SNX3: variants seen among roughly 807,000 people sequenced by gnomAD.
The protein encoded by SNX3 is sorting nexin-3.
In SNX3, 5 loss-of-function variants were observed where a neutral mutation model predicts 17.7. The observed-to-expected ratio is 0.28, with a 90% CI of 0.15 to 0.59. The LOEUF is 0.59. Ranked by LOEUF, SNX3 falls within the 20% of genes least tolerant of loss-of-function variation. The probability of loss-of-function intolerance (pLI) is 0.88; values close to 1 mark genes in which losing one functional copy is unlikely to be tolerated. For synonymous variants in SNX3, 91 were observed against 76.5 expected, an observed-to-expected ratio of 1.19 and a Z score of -0.99; for missense variants, 132 against 206.8, an observed-to-expected ratio of 0.64 and a Z score of 2.22.
At chr6:108,233,697 C>CA (rs1775238628) in intron 1 of SNX3, among the ~76,000 whole-genome samples, 1 of 152,110 alleles carries the variant, frequency 6.6e-6, no homozygotes, top group Non-Finnish European at 1.5e-5. Flanking sequence ...TGCAGTGAGC[C>CA]AAGGTTGTTC....
intron 1 of SNX3, among the ~76,000 whole-genome samples, chr6:108,229,195 G>A (rs896594767): frequency 6.7e-6 from 1 of 150,244 alleles, no homozygotes; most frequent in African/African-American, 2.5e-5. Context: ...GGGAGGCGGA[G>A]GTTGCAGTGA....
At chr6:108,218,826 T>TA (rs1774665272) in intron 2 of SNX3, among the ~76,000 whole-genome samples, 1 of 152,222 alleles carries the variant, frequency 6.6e-6, no homozygotes, top group Non-Finnish European at 1.5e-5. Context: ...GAAAGGAGAC[T>TA]AGCAGGTGGT....
intron 1 of SNX3, among the ~76,000 whole-genome samples, chr6:108,233,631 C>T (rs1007308965): frequency 6.6e-6 from 1 of 152,292 alleles, no homozygotes; most frequent in East Asian, 1.9e-4. Flanking sequence ...CGCCTGTAAT[C>T]CCAGCTACTC....
At chr6:108,259,110 TG>T (rs1354115325) in intron 1 of SNX3, among the ~76,000 whole-genome samples, 3 of 152,258 alleles carry the variant, frequency 2.0e-5, no homozygotes, top group Non-Finnish European at 4.4e-5. Context: ...CCATCTGTCA[TG>T]TATTACAGAC....
At chr6:108,217,608 T>C (rs1228711901) in intron 2 of SNX3, among the ~76,000 whole-genome samples, 2 of 151,942 alleles carry the variant, frequency 1.3e-5, no homozygotes, top group African/African-American at 4.8e-5. Context: ...TACAAAAAAT[T>C]AGCCGGGCAT....
chr6:108,246,459 G>A (rs1775694278), intron 1 of SNX3, among the ~76,000 whole-genome samples: 2 of 150,336 alleles, frequency 1.3e-5, no homozygotes, highest in South Asian at 4.2e-4. Context: ...CGACTAGCTG[G>A]GATTACAGGC....
intron 1 of SNX3, among the ~76,000 whole-genome samples, chr6:108,248,654 A>G (rs542291662): frequency 3.9e-5 from 6 of 152,360 alleles, no homozygotes; most frequent in Admixed American, 1.3e-4. Flanking sequence ...CAACTTAAGC[A>G]TATCAACATA....
chr6:108,236,760 A>G (rs1775357576), intron 1 of SNX3, among the ~76,000 whole-genome samples: 1 of 152,182 alleles, frequency 6.6e-6, no homozygotes, highest in Non-Finnish European at 1.5e-5. Flanking sequence ...AAAACTATAA[A>G]AAACATGAAA....
chr6:108,226,363 C>A (rs1176610676), intron 1 of SNX3, among the ~76,000 whole-genome samples: 2 of 152,098 alleles, frequency 1.3e-5, no homozygotes, highest in Non-Finnish European at 2.9e-5. Context: ...CATGAGCCAC[C>A]GTGCCCAGCC....
At chr6:108,214,285 T>C (rs1774498844) in intron 3 of SNX3, among the ~76,000 whole-genome samples, 1 of 152,172 alleles carries the variant, frequency 6.6e-6, no homozygotes, top group Non-Finnish European at 1.5e-5. Context: ...ATACAAAACG[T>C]AGGTCAACAC....
At chr6:108,234,195 C>T (rs1562429260) in intron 1 of SNX3, among the ~76,000 whole-genome samples, 1 of 151,218 alleles carries the variant, frequency 6.6e-6, no homozygotes, top group Non-Finnish European at 1.5e-5. Flanking sequence ...AGGGTGGAGA[C>T]CAGTATTTGA....
intron 1 of SNX3, among the ~76,000 whole-genome samples, chr6:108,240,735 C>A (rs952456370): frequency 1.3e-5 from 2 of 152,100 alleles, no homozygotes; most frequent in Non-Finnish European, 2.9e-5. Flanking sequence ...GCTAATATTG[C>A]GGCAACCCAA....
At chr6:108,236,555 T>C (rs1339721804) in intron 1 of SNX3, among the ~76,000 whole-genome samples, 4 of 151,344 alleles carry the variant, frequency 2.6e-5, no homozygotes, top group Non-Finnish European at 5.9e-5. Flanking sequence ...GGCTAATTTT[T>C]TGTATTTTTA....
chr6:108,238,101 C>CAAAAAAAA (rs11287104), intron 1 of SNX3, among the ~76,000 whole-genome samples: 1 of 85,434 alleles, frequency 1.2e-5, no homozygotes, highest in African/African-American at 4.7e-5. Flanking sequence ...GATCCTGTCT[C>CAAAAAAAA]AAAAAAAAAA....
Position 108,249,769 on chromosome 6 carries a change from T to C in SNX3, c.162+10991A>G, listed in dbSNP as rs552665434. The stretch of plus-strand genomic sequence containing the variant: ...GGGCCTCTAGGAGGAAAGAATGGTA[T>C]CTAATATTTCATTCACCACCCAACA... On this transcript the variant is annotated intron_variant, in intron 1 of 3. Coordinates refer to ENST00000230085, the MANE Select transcript of SNX3 (RefSeq NM_003795.6). 1.6e-4 allele frequency among the ~76,000 whole-genome samples: 25 copies of C among 152,320 alleles called. No homozygotes were observed. The East Asian group carries it at 4.8e-3, about 29-fold the overall frequency.
intron 2 of SNX3, among the ~76,000 whole-genome samples, chr6:108,222,560 GA>G (rs1404767658): frequency 2.0e-5 from 3 of 152,070 alleles, no homozygotes; most frequent in Admixed American, 2.0e-4. Flanking sequence ...TATATGTGAT[GA>G]AAAAAACTTA....
chr6:108,240,777 G>A (rs953242468), intron 1 of SNX3, among the ~76,000 whole-genome samples: 4 of 152,156 alleles, frequency 2.6e-5, no homozygotes, highest in African/African-American at 9.7e-5. Context: ...CAATGAACCA[G>A]CAGACTTACC....
At chr6:108,219,455 A>T (rs1360351418) in intron 2 of SNX3, among the ~76,000 whole-genome samples, 1 of 152,138 alleles carries the variant, frequency 6.6e-6, no homozygotes, top group Non-Finnish European at 1.5e-5. Context: ...AAAATTTTTT[A>T]AAATTAGCTG....
intron 1 of SNX3, among the ~76,000 whole-genome samples, chr6:108,224,007 A>C (rs1774898496): frequency 6.6e-6 from 1 of 152,198 alleles, no homozygotes; most frequent in African/African-American, 2.4e-5. Context: ...TACCTCAGCA[A>C]ACAGTCCTCA....
Sources: allele counts gnomAD v4.1 joint callset (sites outside exome capture counted in the v4.1 genomes callset), GRCh38; gene constraint gnomAD v4.1.1; transcripts MANE v1.5; gene names NCBI Gene and HGNC (gene_info 2026-07-23, HGNC 2026-07-21).